Variants in COL4A5 observed in about 807,000 individuals in gnomAD.
COL4A5 encodes collagen alpha-5(IV) chain.
COL4A5 carries 26 observed loss-of-function variants against 130.2 expected under a neutral mutation model. That is an observed-to-expected ratio of 0.20 (90% CI 0.15 to 0.28). COL4A5 has a LOEUF of 0.28. Among genes scored for constraint, COL4A5 ranks in the 10% least tolerant of loss-of-function variants. The pLI is 1.00. For missense variants in COL4A5, 1,131 were observed against 1,344.3 expected (o/e 0.84, Z 2.48); for synonymous variants, 496 against 439.6 (o/e 1.13, Z -1.60).
chrX:108,563,749 C>T (rs2065930221), intron 3 of COL4A5, 133 bp from the exon 4 acceptor site: 2 of 515,944 alleles, frequency 3.9e-6, no homozygotes, highest in African/African-American at 4.8e-5. Flanking sequence ...AATGCTTCTT[C>T]CTTGGGTGTA....
intron 1 of COL4A5, among the ~76,000 whole-genome samples, chrX:108,464,519 T>G (rs915697054): frequency 4.5e-5 from 5 of 111,965 alleles, no homozygotes; most frequent in African/African-American, 6.5e-5. Flanking sequence ...CTTAGGAGGC[T>G]TCTTAAGATT....
chrX:108,449,645 A>C (rs7055313), intron 1 of COL4A5, among the ~76,000 whole-genome samples: 2 of 112,215 alleles, frequency 1.8e-5, no homozygotes, highest in African/African-American at 6.5e-5. Flanking sequence ...TGAGAAGCCT[A>C]AGATCAAGGC....
rs1281626707 is a variant in COL4A5, at chrX:108,621,790, A to G, written c.2678-13A>G. On this transcript the variant is annotated splice_polypyrimidine_tract_variant and intron_variant, in intron 31 of 52. Coordinates refer to ENST00000328300, the MANE Select transcript of COL4A5 (RefSeq NM_033380.3). ...AAAGAAAGGCAAACATTACTTATTG[A>G]TATTCTTCAAAGGTACCAAAGGTGA... is the stretch of plus-strand genomic sequence containing the variant. The G allele has an allele frequency of 1.3e-5, 15 of 1,166,086 alleles. No individual in the cohort carries two copies. Among genetic ancestry groups the G allele is most frequent in the Non-Finnish European group, 1.8e-5 (15 of 854,478 alleles).
chrX:108,533,870 C>T (rs759037460), intron 1 of COL4A5, among the ~76,000 whole-genome samples: 3 of 110,420 alleles, frequency 2.7e-5, no homozygotes, highest in East Asian at 2.9e-4. Flanking sequence ...CAATTAATCC[C>T]GTTTAAAGTA....
chrX:108,560,494 G>A (rs755051774), intron 3 of COL4A5, among the ~76,000 whole-genome samples: 6 of 112,623 alleles, frequency 5.3e-5, no homozygotes, highest in Non-Finnish European at 9.4e-5. Context: ...GACAGGTTGC[G>A]GACAACCTTT....
At chrX:108,622,353 G>C (rs1318962591) in intron 32 of COL4A5, among the ~76,000 whole-genome samples, 1 of 111,098 alleles carries the variant, frequency 9.0e-6, no homozygotes, top group Non-Finnish European at 1.9e-5. Context: ...GGATGGTCTC[G>C]ATCTCCTGAC....
intron 29 of COL4A5, among the ~76,000 whole-genome samples, chrX:108,610,791 G>A (rs1399029151): frequency 1.8e-5 from 2 of 111,130 alleles, no homozygotes; most frequent in African/African-American, 6.5e-5. Flanking sequence ...AGTTCTTTAG[G>A]TGCTAGAAAA....
At chrX:108,569,271 T>G (rs1452087131) in intron 6 of COL4A5, among the ~76,000 whole-genome samples, 1 of 112,457 alleles carries the variant, frequency 8.9e-6, no homozygotes, top group Non-Finnish European at 1.9e-5. Context: ...TCTTAAAAAA[T>G]TATATGTAAT....
intron 1 of COL4A5, among the ~76,000 whole-genome samples, chrX:108,474,317 T>C (rs989623575): frequency 8.9e-6 from 1 of 112,207 alleles, no homozygotes; most frequent in African/African-American, 3.2e-5. Flanking sequence ...CATATTTTAC[T>C]GTACCTTTTC....
At chrX:108,609,982 A>C (rs892692323) in intron 29 of COL4A5, among the ~76,000 whole-genome samples, 11 of 110,252 alleles carry the variant, frequency 1.0e-4, no homozygotes, top group South Asian at 3.9e-4. Context: ...AAAAAAAAAA[A>C]ACACATTTCT....
At position 108,697,008 on chromosome X, in the gene COL4A5, T is replaced by C. The variant is rs1276575714; in HGVS notation, c.*630T>C. 1 of 111,849 alleles carries C rather than the reference T, an allele frequency of 8.9e-6. No homozygotes were observed. Among genetic ancestry groups the C allele is most frequent in the Non-Finnish European group, 1.9e-5 (1 of 53,105 alleles). 9.2% of individuals were successfully genotyped at this position (111,849 alleles called of 1,213,427 possible). ...GACTTATATTCCTACATCAAGTTAC[T>C]ACTGAGAGTAAATTTATTTTGAGTT... is the stretch of plus-strand genomic sequence containing the variant. On this transcript the variant is annotated 3_prime_UTR_variant, in exon 53 of 53. Transcript: ENST00000328300.
At chrX:108,513,567 A>G (rs1255171799) in intron 1 of COL4A5, among the ~76,000 whole-genome samples, 1 of 111,473 alleles carries the variant, frequency 9.0e-6, no homozygotes, top group Non-Finnish European at 1.9e-5. Flanking sequence ...TCTTGTGCCT[A>G]TATGTCAATT....
chrX:108,508,557 C>CAAAAAAAA (rs1182036182), intron 1 of COL4A5, among the ~76,000 whole-genome samples: 23 of 38,168 alleles, frequency 6.0e-4, no homozygotes, highest in East Asian at 1.6e-3. Context: ...CATGTAGGAC[C>CAAAAAAAA]AAAAAAAAAA....
At chrX:108,525,113 G>A (rs2065300374) in intron 1 of COL4A5, among the ~76,000 whole-genome samples, 1 of 111,073 alleles carries the variant, frequency 9.0e-6, no homozygotes, top group African/African-American at 3.3e-5. Context: ...AACTATTTTT[G>A]AATTGTCTAT....
At chrX:108,582,847 T>C (rs199994650) in intron 16 of COL4A5, 37 bp from the exon 17 acceptor site, 2 of 1,102,364 alleles carry the variant, frequency 1.8e-6, no homozygotes, top group Middle Eastern at 2.4e-4. Context: ...AACACCATCA[T>C]TTGTGCTGAT....
At chrX:108,613,786 A>G (rs1445364647) in intron 29 of COL4A5, among the ~76,000 whole-genome samples, 1 of 111,989 alleles carries the variant, frequency 8.9e-6, no homozygotes, top group Non-Finnish European at 1.9e-5. Flanking sequence ...ATAACTGACA[A>G]TAAGTGCTGC....
chrX:108,539,877 A>G (rs2065510830), intron 2 of COL4A5, 72 bp downstream of exon 2: 8 of 854,459 alleles, frequency 9.4e-6, no homozygotes, highest in Non-Finnish European at 1.7e-6. Flanking sequence ...ATATTTTTTT[A>G]AAAACAGAGC....
intron 1 of COL4A5, among the ~76,000 whole-genome samples, chrX:108,485,312 A>G (rs1794529788): frequency 8.9e-6 from 1 of 111,821 alleles, no homozygotes; most frequent in Non-Finnish European, 1.9e-5. Context: ...CAGAGTTGGT[A>G]CCTAAAGTGC....
chrX:108,526,649 T>TTTCTTTC (rs2065322720), intron 1 of COL4A5, among the ~76,000 whole-genome samples: 1 of 60,926 alleles, frequency 1.6e-5, no homozygotes, highest in Non-Finnish European at 2.8e-5. Flanking sequence ...TCTTTCTTTC[T>TTTCTTTC]TTCTTTCTTT....
Sources: gnomAD v4.1 joint callset for allele counts (sites outside exome capture counted in the v4.1 genomes callset) on GRCh38, gnomAD v4.1.1 for gene constraint, MANE v1.5 for transcripts, NCBI Gene and HGNC (gene_info 2026-07-23, HGNC 2026-07-21) for gene names.